FBXL7: variants seen among roughly 807,000 people sequenced by gnomAD.
FBXL7 encodes F-box and leucine rich repeat protein 7.
A neutral mutation model predicts 38.3 loss-of-function variants in FBXL7; 12 were observed. The observed-to-expected ratio is 0.31, with a 90% CI of 0.20 to 0.51. The LOEUF is 0.51. Among genes scored for constraint, FBXL7 ranks in the 20% least tolerant of loss-of-function variants. The pLI is 0.98. For missense variants in FBXL7, 567 were observed against 676.4 expected, an observed-to-expected ratio of 0.84 and a Z score of 1.79; for synonymous variants, 297 against 300.9, an observed-to-expected ratio of 0.99 and a Z score of 0.13.
intron 1 of FBXL7, among the ~76,000 whole-genome samples, chr5:15,559,231 A>G (rs1029125572): frequency 9.9e-5 from 15 of 152,008 alleles, no homozygotes; most frequent in African/African-American, 3.6e-4. Flanking sequence ...ATAACTGGAA[A>G]CTCTTCAACC....
At chr5:15,517,013 ATTTTTATTTTTAT>A (rs1410114282) in intron 1 of FBXL7, among the ~76,000 whole-genome samples, 42 of 151,122 alleles carry the variant, frequency 2.8e-4, no homozygotes, top group African/African-American at 7.8e-4. Flanking sequence ...TTATTTTTTT[ATTTTTATTTTTAT>A]TTTTTATTTT....
chr5:15,774,557 A>G (rs936148089), intron 2 of FBXL7, among the ~76,000 whole-genome samples: 2 of 152,196 alleles, frequency 1.3e-5, no homozygotes, highest in Non-Finnish European at 2.9e-5. Flanking sequence ...TGAGAGTGGC[A>G]TATTCCCACC....
At chr5:15,802,468 C>A (rs1318398597) in intron 2 of FBXL7, among the ~76,000 whole-genome samples, 1 of 151,868 alleles carries the variant, frequency 6.6e-6, no homozygotes, top group African/African-American at 2.4e-5. Context: ...CCATGTATCT[C>A]TCTCCTTTGA....
intron 2 of FBXL7, among the ~76,000 whole-genome samples, chr5:15,854,432 C>G (rs1049856297): frequency 1.3e-5 from 2 of 152,090 alleles, no homozygotes; most frequent in Non-Finnish European, 2.9e-5. Flanking sequence ...AATCTTCAGC[C>G]TATGTGCCAT....
chr5:15,838,673 CCTT>C (rs1419182592), intron 2 of FBXL7, among the ~76,000 whole-genome samples: 2 of 152,126 alleles, frequency 1.3e-5, no homozygotes, highest in Non-Finnish European at 2.9e-5. Context: ...CCTACCTCCT[CCTT>C]CTTTTACCCT....
intron 2 of FBXL7, among the ~76,000 whole-genome samples, chr5:15,853,801 A>G (rs1739172830): frequency 6.6e-6 from 1 of 152,210 alleles, no homozygotes; most frequent in African/African-American, 2.4e-5. Flanking sequence ...GACCAGGAAT[A>G]TGAATTTTCC....
chr5:15,642,894 CTCTT>C (rs1741412977), intron 2 of FBXL7, among the ~76,000 whole-genome samples: 1 of 152,316 alleles, frequency 6.6e-6, no homozygotes, highest in East Asian at 1.9e-4. Flanking sequence ...TGTTGGATCT[CTCTT>C]TCATAAATTA....
intron 2 of FBXL7, among the ~76,000 whole-genome samples, chr5:15,713,913 T>C (rs12519807): frequency 0.73 from 110,965 of 152,102 alleles, 40,875 homozygotes; most frequent in East Asian, 0.88. Flanking sequence ...ATACCTACAC[T>C]GTCCTTGGGA....
At chr5:15,537,794 G>A (rs1442282077) in intron 1 of FBXL7, among the ~76,000 whole-genome samples, 2 of 152,242 alleles carry the variant, frequency 1.3e-5, no homozygotes, top group African/African-American at 2.4e-5. Context: ...ATGAGCAGGA[G>A]CCAGGGGCCA....
chr5:15,736,285 A>C (rs996564965), intron 2 of FBXL7, among the ~76,000 whole-genome samples: 1 of 152,186 alleles, frequency 6.6e-6, no homozygotes, highest in Non-Finnish European at 1.5e-5. Flanking sequence ...ATTCCATTAA[A>C]TATTTAAACA....
chr5:15,880,180 A>G (rs1740383550), intron 2 of FBXL7, among the ~76,000 whole-genome samples: 1 of 152,152 alleles, frequency 6.6e-6, no homozygotes, highest in African/African-American at 2.4e-5. Flanking sequence ...TGCCTCTACC[A>G]TTTACTGGAC....
intron 1 of FBXL7, among the ~76,000 whole-genome samples, chr5:15,608,651 G>GA (rs1417195484): frequency 1.3e-5 from 2 of 152,170 alleles, no homozygotes; most frequent in Non-Finnish European, 2.9e-5. Context: ...CCAATGACTT[G>GA]AAGACCTTAG....
intron 2 of FBXL7, among the ~76,000 whole-genome samples, chr5:15,757,248 T>C (rs1736321973): frequency 6.6e-6 from 1 of 151,962 alleles, no homozygotes; most frequent in Non-Finnish European, 1.5e-5. Context: ...GTAAGAAAAA[T>C]TATTGAAATA....
At chr5:15,610,235 CAA>C (rs1740185139) in intron 1 of FBXL7, among the ~76,000 whole-genome samples, 2 of 152,120 alleles carry the variant, frequency 1.3e-5, no homozygotes, top group South Asian at 4.1e-4. Context: ...ATACCTTCTC[CAA>C]CACACCCTCT....
At chr5:15,796,855 C>T (rs552213335) in intron 2 of FBXL7, among the ~76,000 whole-genome samples, 34 of 152,148 alleles carry the variant, frequency 2.2e-4, no homozygotes, top group Non-Finnish European at 3.5e-4. Flanking sequence ...CTAGGAGGCA[C>T]GGAATGGATT....
intron 1 of FBXL7, among the ~76,000 whole-genome samples, chr5:15,542,244 T>C (rs1469570808): frequency 6.6e-6 from 1 of 152,208 alleles, no homozygotes; most frequent in Non-Finnish European, 1.5e-5. Flanking sequence ...TAATAAAACA[T>C]TTTTGTTCTT....
intron 2 of FBXL7, among the ~76,000 whole-genome samples, chr5:15,717,092 T>C (rs1309046940): frequency 6.6e-6 from 1 of 152,206 alleles, no homozygotes; most frequent in Non-Finnish European, 1.5e-5. Context: ...TGATTAAAGA[T>C]CTTATTATCT....
chr5:15,766,899 TAC>T (rs1228740452), intron 2 of FBXL7, among the ~76,000 whole-genome samples: 1 of 152,254 alleles, frequency 6.6e-6, no homozygotes, highest in Non-Finnish European at 1.5e-5. Flanking sequence ...CTGAGAAGAA[TAC>T]AGTTTTTTAC....
intron 2 of FBXL7, among the ~76,000 whole-genome samples, chr5:15,630,314 A>G (rs1398792386): frequency 6.6e-6 from 1 of 152,188 alleles, no homozygotes; most frequent in Non-Finnish European, 1.5e-5. Flanking sequence ...CTTTCTCAGT[A>G]TCTTTTAACT....
Sources: gnomAD v4.1 joint callset for allele counts (sites outside exome capture counted in the v4.1 genomes callset) on GRCh38, gnomAD v4.1.1 for gene constraint, MANE v1.5 for transcripts, NCBI Gene and HGNC (gene_info 2026-07-23, HGNC 2026-07-21) for gene names.